TTLL9: variants seen among roughly 807,000 people sequenced by gnomAD.
TTLL9 encodes the protein probable tubulin polyglutamylase TTLL9.
Under a neutral mutation model 65.6 loss-of-function variants are expected in TTLL9, and 47 were observed. The ratio of observed to expected loss-of-function variants is 0.72; its 90% CI spans 0.57 to 0.91. The LOEUF (loss-of-function observed/expected upper bound fraction) is 0.91. Ranked by LOEUF, TTLL9 falls within the 40% of genes least tolerant of loss-of-function variation. The pLI is 0.00. For synonymous variants in TTLL9, 179 were observed against 204.8 expected (o/e 0.87, Z 1.07); for missense variants, 537 against 568.8 (o/e 0.94, Z 0.57).
intron 10 of TTLL9, among the ~76,000 whole-genome samples, chr20:31,930,415 G>A (rs936809642): frequency 2.6e-5 from 4 of 152,074 alleles, no homozygotes; most frequent in East Asian, 1.9e-4. Context: ...CCCCATTTGC[G>A]TGCCTTTGAA....
At chr20:31,877,656 C>G (rs1032113457) in intron 2 of TTLL9, among the ~76,000 whole-genome samples, 1 of 152,014 alleles carries the variant, frequency 6.6e-6, no homozygotes, top group Non-Finnish European at 1.5e-5. Context: ...TTTACTGAGT[C>G]CTCTATTTTT....
chr20:31,924,488 G>A (rs2063862649), intron 8 of TTLL9, among the ~76,000 whole-genome samples: 1 of 152,078 alleles, frequency 6.6e-6, no homozygotes, highest in Non-Finnish European at 1.5e-5. Context: ...TCCCCATGGG[G>A]GTCTTTGACC....
chr20:31,931,921 T>C (rs1364925962), intron 10 of TTLL9, among the ~76,000 whole-genome samples: 1 of 152,244 alleles, frequency 6.6e-6, no homozygotes, highest in African/African-American at 2.4e-5. Flanking sequence ...TCTTTTGCCA[T>C]CTGTGCTTTT....
intron 13 of TTLL9, among the ~76,000 whole-genome samples, chr20:31,938,905 A>C (rs532329220): frequency 8.4e-4 from 128 of 152,220 alleles, no homozygotes; most frequent in African/African-American, 2.9e-3. Flanking sequence ...AACAAACAAA[A>C]AAAACAAATA....
intron 4 of TTLL9, chr20:31,901,223 G>C (rs1027367147): frequency 6.6e-6 from 1 of 152,248 alleles, no homozygotes; most frequent in African/African-American, 2.4e-5. Flanking sequence ...GACACGATGA[G>C]CATGAGGACA....
intron 6 of TTLL9, among the ~76,000 whole-genome samples, chr20:31,911,040 T>C (rs1373098004): frequency 6.6e-6 from 1 of 152,122 alleles, no homozygotes; most frequent in Non-Finnish European, 1.5e-5. Flanking sequence ...CCGGGCATGA[T>C]GGTGGGTGCC....
intron 2 of TTLL9, among the ~76,000 whole-genome samples, chr20:31,876,258 CCA>C (rs2063036061): frequency 1.3e-5 from 2 of 152,238 alleles, no homozygotes; most frequent in Non-Finnish European, 2.9e-5. Flanking sequence ...ACCAGCCTGG[CCA>C]ACATGGCAAA....
Position 31,919,921 on chromosome 20 carries a change from G to T in TTLL9, c.562G>T (p.Asp188Tyr). The T allele has an allele frequency of 6.9e-6, 11 of 1,590,832 alleles. No homozygotes were observed. Among genetic ancestry groups the T allele is most frequent in the Non-Finnish European group, 9.4e-6 (11 of 1,169,112 alleles). The change falls in exon 7 of 15, where the codon GAC becomes TAC. Residue 188 changes from aspartate (D) to tyrosine (Y), a missense_variant. This residue lies in a region of TTLL9 where 320 missense variants were observed against 311.0 expected (regional missense o/e 1.03). Transcript: ENST00000535842. ...CTTCCGTAGGCTGAAGGACATCGTGGACTGGAGGAAGGTGAGCCTGCCTCT... is the reference window on the plus strand; with the variant it reads ...CTTCCGTAGGCTGAAGGACATCGTGTACTGGAGGAAGGTGAGCCTGCCTCT... The part of the protein sequence containing the change: ...FLFRRLKDIV[D>Y]WRKDTRSSDD...
At chr20:31,887,271 G>A (rs777260594) in intron 3 of TTLL9, 32 bp downstream of exon 3, 1 of 1,613,064 alleles carries the variant, frequency 6.2e-7, no homozygotes, top group Non-Finnish European at 8.5e-7. Context: ...AACAATCACA[G>A]CGCAACCAAC....
intron 2 of TTLL9, among the ~76,000 whole-genome samples, chr20:31,875,046 CTTTG>C (rs2063018568): frequency 6.6e-6 from 1 of 152,174 alleles, no homozygotes; most frequent in African/African-American, 2.4e-5. Flanking sequence ...TTTTAAGTCA[CTTTG>C]TTTGTTGTGA....
rs747584455 is a variant in TTLL9, at chr20:31,939,194, G to A, written c.1171G>A (p.Gly391Ser). 3 of 1,612,198 alleles carry A rather than the reference G, an allele frequency of 1.9e-6. No individual in the cohort carries two copies. The South Asian group carries it at 3.3e-5, about 18-fold the overall frequency. Reference sequence around the variant, plus strand: ...GGGCTTTGACCTCATGTGGAATGATGGCCCTGTTAGCAGAGAGGAGGGGGC... The same window carrying A: ...GGGCTTTGACCTCATGTGGAATGATAGCCCTGTTAGCAGAGAGGAGGGGGC... ...VGGFDLMWND[G>S]PVSREEGAPD... The change falls in exon 14 of 15, where the codon GGC becomes AGC. Residue 391 changes from glycine (G) to serine (S), a missense_variant. By Grantham distance (56) the Gly-to-Ser change is moderately conservative. Transcript: ENST00000535842.
chr20:31,870,776 C>A lies in TTLL9; in HGVS notation c.-179C>A. 1 of 491,412 alleles carries A rather than the reference C, an allele frequency of 2.0e-6. No homozygotes were observed. Among genetic ancestry groups the A allele is most frequent in the Non-Finnish European group, 3.5e-6 (1 of 288,990 alleles). 30.4% of individuals were successfully genotyped at this position (491,412 alleles called of 1,614,324 possible). Reference sequence around the variant, plus strand: ...GGATGGGGGGATGTCGCCTAGAGCCCCCCGGCCGGCCCACAAACTCCCGTC... The same window carrying A: ...GGATGGGGGGATGTCGCCTAGAGCCACCCGGCCGGCCCACAAACTCCCGTC... On this transcript the variant is annotated 5_prime_UTR_variant, in exon 1 of 15. Coordinates refer to ENST00000535842, the MANE Select transcript of TTLL9 (RefSeq NM_001008409.5). The surrounding 1 kb of genome is among the most constrained non-coding windows in gnomAD (Gnocchi z 6.6).
intron 4 of TTLL9, among the ~76,000 whole-genome samples, chr20:31,906,200 G>A (rs2063556815): frequency 6.6e-6 from 1 of 152,172 alleles, no homozygotes; most frequent in South Asian, 2.1e-4. Context: ...CCTGAGTCAG[G>A]GACTCTTACA....
intron 12 of TTLL9, among the ~76,000 whole-genome samples, chr20:31,936,864 G>A (rs999990074): frequency 1.3e-5 from 2 of 152,196 alleles, no homozygotes; most frequent in African/African-American, 4.8e-5. Context: ...GGGAGGCTGA[G>A]GCGGGTGGAT....
Position 31,890,149 on chromosome 20 carries a change from C to CTTT in TTLL9, c.113+2910_113+2911insTTT, listed in dbSNP as rs1156650481. On this transcript the variant is annotated intron_variant, in intron 3 of 14. Transcript: ENST00000535842. ...TCCTTCCTTCCTTCCTTCCTTCCTT[C>CTTT]CTTCCTTCTTTCTTTCTTTCTTTCT... Among the ~76,000 whole-genome samples the CTTT allele has an allele frequency of 3.7e-3, 422 of 112,722 alleles. 1 individual carries two copies. Among genetic ancestry groups the CTTT allele is most frequent in the East Asian group, 4.9e-3 (21 of 4,306 alleles). 74.0% of individuals were successfully genotyped at this position (112,722 alleles called of 152,430 possible).
chr20:31,870,956 A>T lies in TTLL9; in HGVS notation c.-6+7A>T. The T allele has an allele frequency of 1.4e-6, 1 of 693,760 alleles. No homozygotes were observed. Among genetic ancestry groups the T allele is most frequent in the East Asian group, 2.6e-5 (1 of 39,000 alleles). The allele number at this position is 693,760 out of a possible 1,614,324, so 43.0% of individuals were successfully genotyped here. ...TCTGCTTGGAACGGGATAAGTGGGT[A>T]ATTCCTTCCGATACATCCTCTCCAC... On this transcript the variant is annotated splice_region_variant and intron_variant, in intron 1 of 14. Coordinates refer to ENST00000535842, the MANE Select transcript of TTLL9 (RefSeq NM_001008409.5). This position sits in a 1 kb window ranked among gnomAD's most constrained non-coding sequence, Gnocchi z 6.6.
At position 31,923,060 on chromosome 20, in the gene TTLL9, T is replaced by C; in HGVS notation, c.664+7T>C. 2 of 1,599,584 alleles carry C rather than the reference T, an allele frequency of 1.3e-6. No homozygotes were observed. The highest frequency in any genetic ancestry group is 1.7e-6 in the Non-Finnish European group (2 of 1,166,824). On this transcript the variant is annotated splice_region_variant and intron_variant, in intron 8 of 14. Transcript: ENST00000535842. Reference sequence around the variant, plus strand: ...AATCCTTACCTGATAGGAGGTGAGATGGCTGTGTCTGCTCCTGCTCTTCCA... The same window carrying C: ...AATCCTTACCTGATAGGAGGTGAGACGGCTGTGTCTGCTCCTGCTCTTCCA...
intron 3 of TTLL9, among the ~76,000 whole-genome samples, chr20:31,897,296 T>C (rs894994556): frequency 6.6e-6 from 1 of 152,214 alleles, no homozygotes; most frequent in African/African-American, 2.4e-5. Context: ...ATCTAAGCTG[T>C]CAAATGTAGG....
chr20:31,903,524 G>T (rs993568027), intron 4 of TTLL9, among the ~76,000 whole-genome samples: 2 of 151,860 alleles, frequency 1.3e-5, no homozygotes, highest in Non-Finnish European at 2.9e-5. Context: ...AGTGCTTTTG[G>T]TATCATATCT....
Sources: gnomAD v4.1 joint callset for allele counts (sites outside exome capture counted in the v4.1 genomes callset) on GRCh38, gnomAD v4.1.1 for gene constraint, gnomAD v4.1.1 regional missense constraint, Gnocchi (gnomAD v3.1) non-coding constraint, MANE v1.5 for transcripts, NCBI Gene and HGNC (gene_info 2026-07-23, HGNC 2026-07-21) for gene names.